Variants in BRWD1 observed in about 807,000 individuals in gnomAD.
The protein encoded by BRWD1 is bromodomain and WD repeat-containing protein 1.
A neutral mutation model predicts 251.2 loss-of-function variants in BRWD1; 82 were observed. The observed-to-expected ratio is 0.33, with a 90% CI of 0.27 to 0.39. The LOEUF is 0.39. Among genes scored for constraint, BRWD1 ranks in the 10% least tolerant of loss-of-function variants. The pLI is 1.00. For synonymous variants in BRWD1, 918 were observed against 902.8 expected (o/e 1.02, Z -0.30); for missense variants, 2,233 against 2,711.6 (o/e 0.82, Z 3.92).
At chr21:39,314,630 C>T (rs566533979), upstream of BRWD1, 27 of 337,748 alleles carry the variant, frequency 8.0e-5, no homozygotes, top group African/African-American at 5.8e-4. Context: ...CGCATCCAGC[C>T]TGCCCTGCTC....
At chr21:39,210,570 ATTATCTAAGTCTAAATTC>A (rs1228751464) in intron 35 of BRWD1, among the ~76,000 whole-genome samples, 198 bp downstream of exon 35, 1 of 152,160 alleles carries the variant, frequency 6.6e-6, no homozygotes, top group African/African-American at 2.4e-5. Flanking sequence ...TGTAATACTG[ATTATCTAAGTCTAAATTC>A]TTAAATGAGC....
At position 39,195,495 on chromosome 21, in the gene BRWD1, T is replaced by C; in HGVS notation, c.*764A>G. ...TGGACAGAAGACAGATTATATAGCA[T>C]TTTGTTAGTGCACAATTTAAAAGAA... On this transcript the variant is annotated 3_prime_UTR_variant, in exon 41 of 41. Coordinates refer to ENST00000342449, the MANE Select transcript of BRWD1 (RefSeq NM_033656.4). The C allele has an allele frequency of 2.0e-6, 2 of 985,304 alleles. No individual in the cohort carries two copies. Among genetic ancestry groups the C allele is most frequent in the Non-Finnish European group, 2.4e-6 (2 of 829,454 alleles). 61.0% of individuals were successfully genotyped at this position (985,304 alleles called of 1,614,324 possible).
At position 39,190,647 on chromosome 21, in the gene BRWD1, T is replaced by C; in HGVS notation, c.*5612A>G. On this transcript the variant is annotated 3_prime_UTR_variant, in exon 41 of 41. Coordinates refer to ENST00000342449, the MANE Select transcript of BRWD1 (RefSeq NM_033656.4). ...CAAAACTCAGAAAGCAAATAACATT[T>C]ATCAATGATCTTCATCCCTCCCAAA... The C allele has an allele frequency of 6.1e-6, 6 of 985,426 alleles. No individual in the cohort carries two copies. Among genetic ancestry groups the C allele is most frequent in the Non-Finnish European group, 6.0e-6 (5 of 829,920 alleles). 61.0% of individuals were successfully genotyped at this position (985,426 alleles called of 1,614,324 possible).
chr21:39,189,595 G>T lies in BRWD1; in HGVS notation c.*6664C>A. On this transcript the variant is annotated 3_prime_UTR_variant, in exon 41 of 41. Coordinates refer to ENST00000342449, the MANE Select transcript of BRWD1 (RefSeq NM_033656.4). Reference sequence around the variant, plus strand: ...TTACACTGTACTCTAACTTGATAAAGCTGAATCTCTTAAGTCTTAGACAAT... The same window carrying T: ...TTACACTGTACTCTAACTTGATAAATCTGAATCTCTTAAGTCTTAGACAAT... The T allele has an allele frequency of 1.0e-6, 1 of 983,158 alleles. No individual in the cohort carries two copies. The highest frequency in any genetic ancestry group is 1.2e-6 in the Non-Finnish European group (1 of 827,920). The allele number at this position is 983,158 out of a possible 1,614,324, so 60.9% of individuals were successfully genotyped here.
intron 8 of BRWD1, among the ~76,000 whole-genome samples, chr21:39,285,186 T>A (rs1001587577): frequency 1.3e-5 from 2 of 152,344 alleles, no homozygotes; most frequent in Non-Finnish European, 2.9e-5. Flanking sequence ...GTAATATGGA[T>A]GAACCTAAAG....
At chr21:39,247,286 A>G (rs951355936) in intron 21 of BRWD1, among the ~76,000 whole-genome samples, 1 of 152,228 alleles carries the variant, frequency 6.6e-6, no homozygotes, top group Non-Finnish European at 1.5e-5. Flanking sequence ...ACTACAGGTT[A>G]TATACCCCTT....
chr21:39,210,216 T>G, intron 35 of BRWD1, 69 bp from the exon 36 acceptor site: 2 of 1,312,248 alleles, frequency 1.5e-6, no homozygotes, highest in South Asian at 2.9e-5. Context: ...ATGCATCAGA[T>G]CTCTAAAAAA....
intron 15 of BRWD1, among the ~76,000 whole-genome samples, chr21:39,268,191 T>C (rs567105288): frequency 6.6e-6 from 1 of 152,186 alleles, no homozygotes; most frequent in Non-Finnish European, 1.5e-5. Context: ...AGTTTAATAA[T>C]TATATTGGGA....
chr21:39,265,136 A>G (rs1000658359), intron 15 of BRWD1, 117 bp from the exon 16 acceptor site: 217 of 1,096,614 alleles, frequency 2.0e-4, no homozygotes, highest in Admixed American at 7.1e-4. Flanking sequence ...AAAAAAAAAA[A>G]GTTTCAGCCA....
chr21:39,298,113 A>G (rs2036007132), intron 5 of BRWD1: 1 of 1,016,898 alleles, frequency 9.8e-7, no homozygotes, highest in African/African-American at 1.7e-5. Context: ...ATACAATTAC[A>G]TTCAATGAAG....
At chr21:39,301,591 T>A (rs1263361272) in intron 4 of BRWD1, among the ~76,000 whole-genome samples, 1 of 152,182 alleles carries the variant, frequency 6.6e-6, no homozygotes, top group African/African-American at 2.4e-5. Flanking sequence ...ATATTTTGAC[T>A]GCACCTTCAG....
intron 23 of BRWD1, among the ~76,000 whole-genome samples, chr21:39,236,341 G>C (rs1012124135): frequency 6.6e-6 from 1 of 152,074 alleles, no homozygotes; most frequent in African/African-American, 2.4e-5. Flanking sequence ...CACAGGGGTT[G>C]AAAGTAGGAG....
rs2146431732 is a variant in BRWD1 at position 39,187,795 on chromosome 21, A to T, written c.*8464T>A. 1 of 985,354 alleles carries T rather than the reference A, an allele frequency of 1.0e-6. No homozygotes were observed. Among genetic ancestry groups the T allele is most frequent in the East Asian group, 1.1e-4 (1 of 8,816 alleles). The allele number at this position is 985,354 out of a possible 1,614,324, so 61.0% of individuals were successfully genotyped here. On this transcript the variant is annotated 3_prime_UTR_variant, in exon 41 of 41. Coordinates refer to ENST00000342449, the MANE Select transcript of BRWD1 (RefSeq NM_033656.4). ...CCTAGGTATGTGACACACGAGATTC[A>T]GATTAAAATTCTAAAAAATAACACA...
intron 8 of BRWD1, among the ~76,000 whole-genome samples, 175 bp from the exon 9 acceptor site, chr21:39,280,423 G>A (rs2035419486): frequency 6.6e-6 from 1 of 152,090 alleles, no homozygotes. Context: ...TCATTTATAT[G>A]TAATATGATC....
chr21:39,259,080 T>C (rs2836964), intron 17 of BRWD1, among the ~76,000 whole-genome samples: 45,998 of 151,984 alleles, frequency 0.3, 7,441 homozygotes, highest in Non-Finnish European at 0.35. Flanking sequence ...ATCCCTGAGA[T>C]TTAATTTCTT....
intron 17 of BRWD1, among the ~76,000 whole-genome samples, chr21:39,263,951 CAAG>C (rs1247784459): frequency 1.3e-5 from 2 of 152,144 alleles, no homozygotes; most frequent in Admixed American, 6.6e-5. Flanking sequence ...GGAACCTAAT[CAAG>C]AAGTAGACAA....
intron 4 of BRWD1, among the ~76,000 whole-genome samples, chr21:39,304,619 C>CAA (rs56713321): frequency 0.016 from 2,317 of 148,098 alleles, 44 homozygotes; most frequent in African/African-American, 0.05. Flanking sequence ...GTCTGGAAAA[C>CAA]AAAAAAAAAA....
Position 39,313,558 on chromosome 21 carries a change from G to C in BRWD1, c.-67C>G, listed in dbSNP as rs1017621115. 2.4e-6 allele frequency: 3 copies of C among 1,239,918 alleles called. No homozygotes were observed. Among genetic ancestry groups the C allele is most frequent in the South Asian group, 2.6e-5 (1 of 38,284 alleles). The allele number at this position is 1,239,918 out of a possible 1,614,324, so 76.8% of individuals were successfully genotyped here. Reference sequence around the variant, plus strand: ...GAGCGTGTAGGCCGCGCCGAGGCCTGACCGGGCTGGCGTCCCCTCTTCTCA... The same window carrying C: ...GAGCGTGTAGGCCGCGCCGAGGCCTCACCGGGCTGGCGTCCCCTCTTCTCA... On this transcript the variant is annotated 5_prime_UTR_variant, in exon 1 of 41. Transcript: ENST00000342449.
chr21:39,189,215 T>C lies in BRWD1; in HGVS notation c.*7044A>G. ...ACTTTATAGTAGGATGAGAATATACTATTATCAACTAGCTGCACCATTTGC... is the reference window on the plus strand; with the variant it reads ...ACTTTATAGTAGGATGAGAATATACCATTATCAACTAGCTGCACCATTTGC... On this transcript the variant is annotated 3_prime_UTR_variant, in exon 41 of 41. Transcript: ENST00000342449. 1.0e-6 allele frequency: 1 copy of C among 985,242 alleles called. No homozygotes were observed. The highest frequency in any genetic ancestry group is 1.2e-6 in the Non-Finnish European group (1 of 829,756). 61.0% of individuals were successfully genotyped at this position (985,242 alleles called of 1,614,324 possible).
Sources: allele counts gnomAD v4.1 joint callset (sites outside exome capture counted in the v4.1 genomes callset), GRCh38; gene constraint gnomAD v4.1.1; transcripts MANE v1.5; gene names NCBI Gene and HGNC (gene_info 2026-07-23, HGNC 2026-07-21).